DPP10: variants seen among roughly 807,000 people sequenced by gnomAD.
The protein encoded by DPP10 is inactive dipeptidyl peptidase 10.
Under a neutral mutation model 120.9 loss-of-function variants are expected in DPP10, and 33 were observed. The ratio of observed to expected loss-of-function variants is 0.27; its 90% CI spans 0.21 to 0.37. The LOEUF (loss-of-function observed/expected upper bound fraction) is 0.37. Among genes scored for constraint, DPP10 ranks in the 10% least tolerant of loss-of-function variants. DPP10 has a pLI of 1.00. For missense variants in DPP10, 816 were observed against 942.8 expected, an observed-to-expected ratio of 0.87 and a Z score of 1.76; for synonymous variants, 337 against 326.1, an observed-to-expected ratio of 1.03 and a Z score of -0.36.
intron 1 of DPP10, among the ~76,000 whole-genome samples, chr2:114,909,834 A>C (rs958640173): frequency 3.9e-5 from 6 of 152,020 alleles, no homozygotes; most frequent in African/African-American, 1.4e-4. Flanking sequence ...GTGTTTACAG[A>C]GAAAGTTTAA....
At chr2:114,896,796 G>A (rs1251710841) in intron 1 of DPP10, among the ~76,000 whole-genome samples, 3 of 152,158 alleles carry the variant, frequency 2.0e-5, no homozygotes, top group Non-Finnish European at 2.9e-5. Flanking sequence ...GTGAGAGAGG[G>A]CATCCCTGTC....
chr2:114,826,712 G>A (rs546670706), intron 1 of DPP10, among the ~76,000 whole-genome samples: 1 of 152,180 alleles, frequency 6.6e-6, no homozygotes, highest in South Asian at 2.1e-4. Flanking sequence ...TGTATTTTTA[G>A]TAGAGATGGG....
chr2:114,799,509 G>A (rs1404511230), intron 1 of DPP10, among the ~76,000 whole-genome samples: 6 of 152,034 alleles, frequency 3.9e-5, no homozygotes, highest in African/African-American at 1.5e-4. Context: ...ATCCATGTAT[G>A]TTTTCTTTCA....
chr2:115,010,021 A>T (rs1255928072), intron 1 of DPP10, among the ~76,000 whole-genome samples: 1 of 152,136 alleles, frequency 6.6e-6, no homozygotes, highest in Non-Finnish European at 1.5e-5. Flanking sequence ...AACATAATTG[A>T]ATATTTTTGT....
chr2:114,982,984 TC>T (rs1700181127), intron 1 of DPP10, among the ~76,000 whole-genome samples: 2 of 152,204 alleles, frequency 1.3e-5, no homozygotes, highest in African/African-American at 4.8e-5. Flanking sequence ...AACTATTATT[TC>T]TATGCATTAA....
chr2:115,284,175 A>G (rs1486671819), intron 1 of DPP10, among the ~76,000 whole-genome samples: 1 of 152,150 alleles, frequency 6.6e-6, no homozygotes, highest in South Asian at 2.1e-4. Context: ...GAGAATTCAC[A>G]TTAGTTTACT....
chr2:115,645,806 C>G (rs531559788), intron 5 of DPP10, among the ~76,000 whole-genome samples: 1 of 152,238 alleles, frequency 6.6e-6, no homozygotes, highest in Admixed American at 6.5e-5. Flanking sequence ...AATGTTTGCT[C>G]TACTTCCTCT....
At chr2:115,686,347 T>C (rs1278280281) in intron 5 of DPP10, among the ~76,000 whole-genome samples, 1 of 152,022 alleles carries the variant, frequency 6.6e-6, no homozygotes, top group Non-Finnish European at 1.5e-5. Flanking sequence ...ATGAGTTCAA[T>C]GTTAATGAAT....
intron 5 of DPP10, among the ~76,000 whole-genome samples, chr2:115,681,270 TG>T (rs2090632563): frequency 6.6e-6 from 1 of 151,890 alleles, no homozygotes; most frequent in Non-Finnish European, 1.5e-5. Flanking sequence ...TTATGGTATA[TG>T]GAAAATATGA....
In DPP10 at chr2:115,814,994, G is replaced by A. The variant is rs1687069175; in HGVS notation, c.1895+7G>A. The A allele has an allele frequency of 1.3e-6, 2 of 1,579,126 alleles. No individual in the cohort carries two copies. The highest frequency in any genetic ancestry group is 2.3e-5 in the South Asian group (2 of 87,014). On this transcript the variant is annotated splice_region_variant and intron_variant, in intron 20 of 25. Transcript: ENST00000410059. Reference sequence around the variant, plus strand: ...ACCAAATAACAGCTGTGAAGTAAGTGGATGCACATTTTTCTTCTCTGTTTT... The same window carrying A: ...ACCAAATAACAGCTGTGAAGTAAGTAGATGCACATTTTTCTTCTCTGTTTT...
intron 5 of DPP10, among the ~76,000 whole-genome samples, chr2:115,544,701 G>C (rs1247870863): frequency 6.6e-6 from 1 of 151,930 alleles, no homozygotes; most frequent in South Asian, 2.1e-4. Context: ...GGTGTCACTC[G>C]CTGTTCTTAA....
chr2:115,109,039 T>C (rs868812248), intron 1 of DPP10, among the ~76,000 whole-genome samples: 1 of 94,814 alleles, frequency 1.1e-5, no homozygotes, highest in Non-Finnish European at 2.2e-5. Context: ...GATGTTAACA[T>C]AAACTGATCA....
At chr2:114,497,272 C>CATGTATACGTGTATACATGTAT (rs1682671627) in intron 1 of DPP10, among the ~76,000 whole-genome samples, 1 of 50,634 alleles carries the variant, frequency 2.0e-5, no homozygotes, top group South Asian at 7.0e-4. Context: ...TATACATGTA[C>CATGTATACGTGTATACATGTAT]ATGTATACGT....
intron 13 of DPP10, among the ~76,000 whole-genome samples, chr2:115,769,195 T>C (rs1228569536): frequency 6.6e-6 from 1 of 152,070 alleles, no homozygotes; most frequent in East Asian, 1.9e-4. Flanking sequence ...GGCTTTCTAA[T>C]GAAAAGTCAC....
chr2:115,309,797 C>G (rs2061507328), intron 2 of DPP10, among the ~76,000 whole-genome samples: 1 of 152,034 alleles, frequency 6.6e-6, no homozygotes, highest in East Asian at 1.9e-4. Context: ...ATCTAAGCCT[C>G]TAAATTTGGA....
intron 1 of DPP10, among the ~76,000 whole-genome samples, chr2:114,598,560 G>A (rs1386602706): frequency 6.6e-6 from 1 of 151,816 alleles, no homozygotes. Context: ...GTGAACTTGA[G>A]GAGGAGTGCC....
At chr2:115,333,819 G>T (rs559603912) in intron 2 of DPP10, among the ~76,000 whole-genome samples, 10 of 152,122 alleles carry the variant, frequency 6.6e-5, no homozygotes, top group African/African-American at 2.4e-4. Flanking sequence ...GCTTCCCTTT[G>T]TGGATAACCC....
chr2:115,432,078 C>T (rs1319735527), intron 3 of DPP10, among the ~76,000 whole-genome samples: 1 of 152,040 alleles, frequency 6.6e-6, no homozygotes, highest in Non-Finnish European at 1.5e-5. Context: ...GAAAAGCAAA[C>T]CAAACAGAAT....
intron 9 of DPP10, among the ~76,000 whole-genome samples, chr2:115,743,152 A>G (rs1424019245): frequency 6.6e-6 from 1 of 152,052 alleles, no homozygotes; most frequent in Non-Finnish European, 1.5e-5. Context: ...AAGCAAATAG[A>G]TGAAAACCCT....
Sources: allele counts gnomAD v4.1 joint callset (sites outside exome capture counted in the v4.1 genomes callset), GRCh38; gene constraint gnomAD v4.1.1; transcripts MANE v1.5; gene names NCBI Gene and HGNC (gene_info 2026-07-23, HGNC 2026-07-21).